ZMAT4: variants seen among roughly 807,000 people sequenced by gnomAD.
ZMAT4 encodes zinc finger matrin-type protein 4.
In ZMAT4, 17 loss-of-function variants were observed where a neutral mutation model predicts 28.7. The observed-to-expected ratio is 0.59, with a 90% confidence interval of 0.41 to 0.89. The LOEUF is 0.89. Ranked by LOEUF, ZMAT4 falls within the 40% of genes least tolerant of loss-of-function variation. ZMAT4 has a pLI of 0.00. For synonymous variants in ZMAT4, 117 were observed against 109.2 expected, an observed-to-expected ratio of 1.07 and a Z score of -0.44; for missense variants, 240 against 283.8, an observed-to-expected ratio of 0.85 and a Z score of 1.11.
intron 2 of ZMAT4, among the ~76,000 whole-genome samples, chr8:40,795,247 C>T: frequency 6.6e-6 from 1 of 152,130 alleles, no homozygotes; most frequent in East Asian, 1.9e-4. Context: ...CCTCCAAGAA[C>T]AGTTGTGGCC....
chr8:40,876,887 A>C (rs1403335081), intron 1 of ZMAT4, among the ~76,000 whole-genome samples: 10 of 152,212 alleles, frequency 6.6e-5, no homozygotes, highest in African/African-American at 2.4e-4. Context: ...GGATGGTTTA[A>C]GGAAAGTTAT....
chr8:40,710,615 TG>T (rs199547233), intron 3 of ZMAT4, among the ~76,000 whole-genome samples: 3 of 149,944 alleles, frequency 2.0e-5, no homozygotes, highest in Non-Finnish European at 3.0e-5. Flanking sequence ...CAGCCTTTTG[TG>T]GGGGGAAAAA....
At chr8:40,563,277 G>A (rs1267064782) in intron 6 of ZMAT4, among the ~76,000 whole-genome samples, 1 of 152,076 alleles carries the variant, frequency 6.6e-6, no homozygotes, top group African/African-American at 2.4e-5. Context: ...TCCTTAAATG[G>A]TATATAAAGT....
intron 3 of ZMAT4, among the ~76,000 whole-genome samples, chr8:40,757,581 A>G (rs1812748482): frequency 6.6e-6 from 1 of 151,018 alleles, no homozygotes; most frequent in South Asian, 2.1e-4. Context: ...GCAAGACCCC[A>G]TCTCAAAAAA....
intron 4 of ZMAT4, among the ~76,000 whole-genome samples, chr8:40,691,957 A>T (rs1809683934): frequency 2.0e-5 from 3 of 152,190 alleles, no homozygotes; most frequent in African/African-American, 7.2e-5. Flanking sequence ...GTGGACAGGG[A>T]TGATACATTC....
At chr8:40,762,232 T>G (rs1812972983) in intron 3 of ZMAT4, among the ~76,000 whole-genome samples, 1 of 152,202 alleles carries the variant, frequency 6.6e-6, no homozygotes, top group Admixed American at 6.5e-5. Context: ...ACCTAGGACA[T>G]GCAATGTTAT....
In ZMAT4 at chr8:40,869,958, G is replaced by A. The variant is rs145464114; in HGVS notation, c.-5+27725C>T. Reference sequence around the variant, plus strand: ...TGTTTCCAATTTTCCACATGTTGGGGCTCAGGACACACCACCCCAAAATAT... The same window carrying A: ...TGTTTCCAATTTTCCACATGTTGGGACTCAGGACACACCACCCCAAAATAT... On this transcript the variant is annotated intron_variant, in intron 1 of 6. Coordinates refer to ENST00000297737, the MANE Select transcript of ZMAT4 (RefSeq NM_024645.3). Among the ~76,000 whole-genome samples the A allele has an allele frequency of 2.7e-3, 411 of 152,184 alleles. 3 individuals are homozygous for A. The highest frequency in any genetic ancestry group is 9.6e-3 in the African/African-American group (398 of 41,516).
intron 1 of ZMAT4, among the ~76,000 whole-genome samples, chr8:40,837,380 T>C (rs11776310): frequency 0.037 from 5,622 of 152,244 alleles, 237 homozygotes; most frequent in East Asian, 0.21. Flanking sequence ...CCCCAACCCC[T>C]GGTGCCCACT....
intron 1 of ZMAT4, among the ~76,000 whole-genome samples, chr8:40,827,268 A>T (rs1338761753): frequency 6.6e-6 from 1 of 152,224 alleles, no homozygotes; most frequent in Non-Finnish European, 1.5e-5. Context: ...AGAAAGTGAT[A>T]GTGAAGATCA....
chr8:40,546,296 T>A (rs1290808233), intron 6 of ZMAT4, among the ~76,000 whole-genome samples: 2 of 146,106 alleles, frequency 1.4e-5, no homozygotes. Flanking sequence ...GTGAATCACT[T>A]GAACAAAAAA....
At chr8:40,535,151 G>A (rs1397548407) in intron 6 of ZMAT4, among the ~76,000 whole-genome samples, 1 of 152,130 alleles carries the variant, frequency 6.6e-6, no homozygotes, top group Non-Finnish European at 1.5e-5. Flanking sequence ...GAACTTCTGT[G>A]ATGTTCAGCC....
At chr8:40,725,954 A>C (rs980878547) in intron 3 of ZMAT4, among the ~76,000 whole-genome samples, 1 of 152,202 alleles carries the variant, frequency 6.6e-6, no homozygotes, top group African/African-American at 2.4e-5. Context: ...CTAAGCCAGG[A>C]TGCTCCAATT....
At chr8:40,746,508 C>T (rs934106408) in intron 3 of ZMAT4, among the ~76,000 whole-genome samples, 5 of 151,622 alleles carry the variant, frequency 3.3e-5, no homozygotes, top group African/African-American at 9.7e-5. Flanking sequence ...GGACTATAAG[C>T]GCATATCACC....
At chr8:40,824,003 C>T (rs988725789) in intron 2 of ZMAT4, among the ~76,000 whole-genome samples, 9 of 152,110 alleles carry the variant, frequency 5.9e-5, no homozygotes, top group African/African-American at 1.2e-4. Context: ...GGTACAATTT[C>T]GATAGATCTC....
At chr8:40,823,997 C>T (rs148017106) in intron 2 of ZMAT4, among the ~76,000 whole-genome samples, 1 of 152,126 alleles carries the variant, frequency 6.6e-6, no homozygotes, top group South Asian at 2.1e-4. Context: ...TTCACAGGTA[C>T]AATTTCGATA....
chr8:40,644,005 G>A (rs914864912), intron 5 of ZMAT4, among the ~76,000 whole-genome samples: 1 of 152,068 alleles, frequency 6.6e-6, no homozygotes, highest in East Asian at 1.9e-4. Flanking sequence ...ACAATACTGA[G>A]ATTATGAAGG....
chr8:40,773,341 A>T lies in ZMAT4; in HGVS notation c.103-5611T>A, dbSNP rs931655726. Among the ~76,000 whole-genome samples, 3 of 152,202 alleles carry T rather than the reference A, an allele frequency of 2.0e-5. No homozygotes were observed. The East Asian group carries it at 5.8e-4, about 29-fold the overall frequency. On this transcript the variant is annotated intron_variant, in intron 2 of 6. Transcript: ENST00000297737. ...AGGTCCCAGACCTCCTGCCCAGGCCACTGGGCTACTGAAATGGTCTTTAAC... is the reference window on the plus strand; with the variant it reads ...AGGTCCCAGACCTCCTGCCCAGGCCTCTGGGCTACTGAAATGGTCTTTAAC...
At chr8:40,881,574 GA>G (rs1818263881) in intron 1 of ZMAT4, among the ~76,000 whole-genome samples, 2 of 104,924 alleles carry the variant, frequency 1.9e-5, no homozygotes, top group African/African-American at 7.8e-5. Flanking sequence ...AAGAAAGAAA[GA>G]AAGAAAGAAA....
At chr8:40,857,909 C>A (rs1490706177) in intron 1 of ZMAT4, among the ~76,000 whole-genome samples, 1 of 152,146 alleles carries the variant, frequency 6.6e-6, no homozygotes, top group African/African-American at 2.4e-5. Flanking sequence ...AGAAGCCAGA[C>A]ATTACAATGT....
Sources: gnomAD v4.1 joint callset for allele counts (sites outside exome capture counted in the v4.1 genomes callset) on GRCh38, gnomAD v4.1.1 for gene constraint, MANE v1.5 for transcripts, NCBI Gene and HGNC (gene_info 2026-07-23, HGNC 2026-07-21) for gene names.